DEFB112: variants seen among roughly 807,000 people sequenced by gnomAD.
DEFB112 encodes the protein beta-defensin 112.
Under a neutral mutation model 1.1 loss-of-function variants are expected in DEFB112, and 2 were observed. The observed-to-expected ratio is 1.85, with a 90% CI of 0.76 to 5.83. DEFB112 has a LOEUF of 5.83. Ranked by LOEUF, DEFB112 falls within the 30% of genes most tolerant of loss-of-function variation. The pLI, the probability that DEFB112 is intolerant of heterozygous loss-of-function variation, is 0.05. For missense variants in DEFB112, 120 were observed against 94.4 expected, an observed-to-expected ratio of 1.27 and a Z score of -1.12; for synonymous variants, 40 against 31.2, an observed-to-expected ratio of 1.28 and a Z score of -0.93.
At chr6:50,047,840 G>T (rs1174756470) in intron 1 of DEFB112, among the ~76,000 whole-genome samples, 1 of 152,040 alleles carries the variant, frequency 6.6e-6, no homozygotes, top group East Asian at 1.9e-4. Context: ...GAACAGTAGT[G>T]ATTGATAAAA....
At position 50,042,107 on chromosome 6, in the gene DEFB112, T is replaced by A. The variant is rs1038533611; in HGVS notation, c.*1468A>T. On this transcript the variant is annotated 3_prime_UTR_variant, in exon 2 of 2. Coordinates refer to ENST00000651554, the MANE Select transcript of DEFB112 (RefSeq NM_001369057.2). ...ATGAATGCACACATTAATACAATTA[T>A]AGCAGCTTTATTCATAATTTTCATC... 3.7e-4 allele frequency among the ~76,000 whole-genome samples: 57 copies of A among 152,108 alleles called. 1 individual carries two copies. The highest frequency in any genetic ancestry group is 1.3e-3 in the African/African-American group (53 of 41,542).
At position 50,042,199 on chromosome 6, in the gene DEFB112, A is replaced by T. The variant is rs1774754887; in HGVS notation, c.*1376T>A. On this transcript the variant is annotated 3_prime_UTR_variant, in exon 2 of 2. Coordinates refer to ENST00000651554, the MANE Select transcript of DEFB112 (RefSeq NM_001369057.2). The stretch of plus-strand genomic sequence containing the variant: ...GTGAGACCCCTGAAGTGGGGTTCAG[A>T]GTTTGGATCATAAACCAAAATCACA... Among the ~76,000 whole-genome samples the T allele has an allele frequency of 6.6e-6, 1 of 152,042 alleles. No homozygotes were observed. Among genetic ancestry groups the T allele is most frequent in the East Asian group, 1.9e-4 (1 of 5,188 alleles).
At chr6:50,045,624 A>C (rs1774819083) in intron 1 of DEFB112, among the ~76,000 whole-genome samples, 1 of 152,156 alleles carries the variant, frequency 6.6e-6, no homozygotes, top group South Asian at 2.1e-4. Context: ...ATATGTTTTG[A>C]GAAATGTGCC....
intron 1 of DEFB112, among the ~76,000 whole-genome samples, chr6:50,046,433 T>G (rs546759953): frequency 3.5e-4 from 54 of 152,278 alleles, no homozygotes; most frequent in African/African-American, 1.3e-3. Flanking sequence ...CAGGGAGAAT[T>G]TGGCTGCTCT....
chr6:50,044,062 A>C (rs886604439), intron 1 of DEFB112, among the ~76,000 whole-genome samples: 5 of 152,100 alleles, frequency 3.3e-5, no homozygotes, highest in African/African-American at 1.2e-4. Flanking sequence ...GCAATGTATT[A>C]ATCTTCCTCT....
At chr6:50,045,506 A>G (rs937982279) in intron 1 of DEFB112, among the ~76,000 whole-genome samples, 15 of 152,158 alleles carry the variant, frequency 9.9e-5, no homozygotes, top group African/African-American at 3.6e-4. Context: ...GAACATGTAT[A>G]CACATAAAAT....
chr6:50,049,361 C>A (rs1343164594), intron 1 of DEFB112, among the ~76,000 whole-genome samples: 1 of 152,050 alleles, frequency 6.6e-6, no homozygotes, highest in African/African-American at 2.4e-5. Flanking sequence ...TAATAAAATA[C>A]AATCTGAAAC....
At chr6:50,046,899 C>T (rs1486303698) in intron 1 of DEFB112, among the ~76,000 whole-genome samples, 1 of 152,168 alleles carries the variant, frequency 6.6e-6, no homozygotes, top group Non-Finnish European at 1.5e-5. Context: ...CCTAGGGTTA[C>T]ATGAGCTGGC....
chr6:50,049,405 C>G (rs764347149), intron 1 of DEFB112, among the ~76,000 whole-genome samples: 3 of 152,070 alleles, frequency 2.0e-5, no homozygotes, highest in South Asian at 2.1e-4. Flanking sequence ...TTAACCTCTG[C>G]TATAAATATC....
Position 50,042,699 on chromosome 6 carries a change from C to A in DEFB112, c.*876G>T, listed in dbSNP as rs942013693. On this transcript the variant is annotated 3_prime_UTR_variant, in exon 2 of 2. Transcript: ENST00000651554. ...TGAGGTATTAAGACCAACTGCTGAC[C>A]CTTTCCCTCAAGGCCACAATTTAGC... 6.6e-6 allele frequency among the ~76,000 whole-genome samples: 1 copy of A among 151,908 alleles called. No homozygotes were observed. Among genetic ancestry groups the A allele is most frequent in the African/African-American group, 2.4e-5 (1 of 41,380 alleles).
chr6:50,049,720 A>G (rs1357187053), intron 1 of DEFB112, among the ~76,000 whole-genome samples, 92 bp downstream of exon 1: 1 of 152,070 alleles, frequency 6.6e-6, no homozygotes, highest in African/African-American at 2.4e-5. Flanking sequence ...TATTAATAAA[A>G]TGTTTTATAA....
At position 50,043,332 on chromosome 6, in the gene DEFB112, G is replaced by A. The variant is rs1037234792; in HGVS notation, c.*243C>T. On this transcript the variant is annotated 3_prime_UTR_variant, in exon 2 of 2. Coordinates refer to ENST00000651554, the MANE Select transcript of DEFB112 (RefSeq NM_001369057.2). ...GCCCCAGAATCTCACTAAACTTAGC[G>A]GTCCCATCATGGATTTTCTTCTCCA... Among the ~76,000 whole-genome samples, 1 of 151,868 alleles carries A rather than the reference G, an allele frequency of 6.6e-6. No homozygotes were observed. The highest frequency in any genetic ancestry group is 1.5e-5 in the Non-Finnish European group (1 of 67,928).
Position 50,043,812 on chromosome 6 carries a change from G to A in DEFB112, c.59-11C>T. The A allele has an allele frequency of 6.2e-7, 1 of 1,610,518 alleles. No individual in the cohort carries two copies. The highest frequency in any genetic ancestry group is 8.5e-7 in the Non-Finnish European group (1 of 1,177,352). ...GCCCTTCACTTCTGGCTGAAAGAAGGCAAGAACAGCTGGAATTAGTAATCT... is the reference window on the plus strand; with the variant it reads ...GCCCTTCACTTCTGGCTGAAAGAAGACAAGAACAGCTGGAATTAGTAATCT... On this transcript the variant is annotated splice_polypyrimidine_tract_variant and intron_variant, in intron 1 of 1. Coordinates refer to ENST00000651554, the MANE Select transcript of DEFB112 (RefSeq NM_001369057.2).
At chr6:50,048,589 T>C (rs1055232267) in intron 1 of DEFB112, 11 of 1,613,628 alleles carry the variant, frequency 6.8e-6, no homozygotes, top group Non-Finnish European at 9.3e-6. Flanking sequence ...TTGTGGAAGA[T>C]GTATTTGTCT....
At chr6:50,049,414 T>C (rs1774891080) in intron 1 of DEFB112, among the ~76,000 whole-genome samples, 1 of 152,116 alleles carries the variant, frequency 6.6e-6, no homozygotes, top group Non-Finnish European at 1.5e-5. Context: ...GCTATAAATA[T>C]CACTGTGGGG....
chr6:50,049,397 A>T (rs1774890836), intron 1 of DEFB112, among the ~76,000 whole-genome samples: 2 of 152,140 alleles, frequency 1.3e-5, no homozygotes, highest in South Asian at 4.1e-4. Context: ...TTATCTGATT[A>T]ACCTCTGCTA....
At chr6:50,044,601 C>T (rs535822625) in intron 1 of DEFB112, among the ~76,000 whole-genome samples, 12 of 152,180 alleles carry the variant, frequency 7.9e-5, no homozygotes, top group African/African-American at 2.9e-4. Context: ...TCTGTAGTTG[C>T]AGATATTCAT....
rs777086901 is a variant in DEFB112, at chr6:50,043,685, G to A, written c.175C>T (p.Pro59Ser). The change falls in exon 2 of 2, where the codon CCT becomes TCT. Residue 59 changes from proline to serine, a missense_variant. Transcript: ENST00000651554. ...TCTGTCACGCAGCAATGAGTTGTAG[G>A]TCTTGCACAGTATGAAATCCTAAAT... ...SEFRISYCARPTTHCCVTECD... is the reference protein window; with the variant it reads ...SEFRISYCARSTTHCCVTECD... The A allele has an allele frequency of 3.1e-6, 5 of 1,613,422 alleles. No individual in the cohort carries two copies. In the Admixed American group the frequency reaches 8.3e-5, roughly 27 times the overall value.
chr6:50,046,592 A>T (rs913003921), intron 1 of DEFB112, among the ~76,000 whole-genome samples: 5 of 152,056 alleles, frequency 3.3e-5, no homozygotes, highest in Non-Finnish European at 7.4e-5. Context: ...GAGCACTTTA[A>T]AGAGGTTGTT....
Sources: gnomAD v4.1 joint callset for allele counts (sites outside exome capture counted in the v4.1 genomes callset) on GRCh38, gnomAD v4.1.1 for gene constraint, MANE v1.5 for transcripts, NCBI Gene and HGNC (gene_info 2026-07-23, HGNC 2026-07-21) for gene names.